Variants in PDS5B observed in about 807,000 individuals in gnomAD.
PDS5B encodes PDS5 cohesin associated factor B.
PDS5B carries 51 observed loss-of-function variants against 184.1 expected under a neutral mutation model. The ratio of observed to expected loss-of-function variants is 0.28; its 90% confidence interval spans 0.22 to 0.35. The LOEUF is 0.35. Among genes scored for constraint, PDS5B ranks in the 10% least tolerant of loss-of-function variants. PDS5B has a pLI of 1.00. For synonymous variants in PDS5B, 566 were observed against 569.2 expected, an observed-to-expected ratio of 0.99 and a Z score of 0.08; for missense variants, 1,180 against 1,723.3, an observed-to-expected ratio of 0.68 and a Z score of 5.58.
At chr13:32,758,862 G>A (rs912762703) in intron 28 of PDS5B, among the ~76,000 whole-genome samples, 1 of 152,158 alleles carries the variant, frequency 6.6e-6, no homozygotes, top group Non-Finnish European at 1.5e-5. Flanking sequence ...TTTTAAGACA[G>A]TCTTAGAGCG....
intron 9 of PDS5B, among the ~76,000 whole-genome samples, chr13:32,676,221 T>TTAAGG (rs1187541203): frequency 2.0e-5 from 3 of 152,214 alleles, no homozygotes; most frequent in Non-Finnish European, 4.4e-5. Flanking sequence ...TATTATTACT[T>TTAAGG]TAAGGCAGTG....
intron 8 of PDS5B, among the ~76,000 whole-genome samples, chr13:32,675,144 T>C (rs1333517969): frequency 2.0e-5 from 3 of 152,150 alleles, no homozygotes; most frequent in Non-Finnish European, 4.4e-5. Flanking sequence ...ACCTTGAATA[T>C]CAGTGCCTTT....
intron 1 of PDS5B, among the ~76,000 whole-genome samples, chr13:32,615,519 C>T (rs918625068): frequency 8.5e-5 from 13 of 152,076 alleles, no homozygotes; most frequent in Non-Finnish European, 1.9e-4. Flanking sequence ...CTACTGGGAT[C>T]GATTGTACTT....
chr13:32,732,836 T>C (rs1164807217), intron 20 of PDS5B, among the ~76,000 whole-genome samples: 1 of 152,162 alleles, frequency 6.6e-6, no homozygotes, highest in Non-Finnish European at 1.5e-5. Context: ...CATAAAATCC[T>C]ACTTTGTAAT....
intron 1 of PDS5B, among the ~76,000 whole-genome samples, chr13:32,597,511 A>G (rs1411973810): frequency 1.3e-5 from 2 of 151,080 alleles, no homozygotes; most frequent in African/African-American, 4.9e-5. Flanking sequence ...TGGGTAACAC[A>G]GAGAGATCCT....
chr13:32,682,080 A>T (rs2140802796), intron 10 of PDS5B, among the ~76,000 whole-genome samples: 1 of 152,342 alleles, frequency 6.6e-6, no homozygotes, highest in African/African-American at 2.4e-5. Context: ...AGCTCTGTGA[A>T]TCCTAATTGA....
chr13:32,602,199 C>T (rs978330489), intron 1 of PDS5B, among the ~76,000 whole-genome samples: 1 of 151,598 alleles, frequency 6.6e-6, no homozygotes, highest in Admixed American at 6.6e-5. Context: ...CCTGTTAACT[C>T]GTCATTTACA....
intron 24 of PDS5B, among the ~76,000 whole-genome samples, chr13:32,749,148 CTCCTT>C (rs1364787545): frequency 6.6e-6 from 1 of 152,186 alleles, no homozygotes; most frequent in Non-Finnish European, 1.5e-5. Context: ...TGAGCACACT[CTCCTT>C]TACTTAACCT....
chr13:32,680,267 A>G (rs1278686786), intron 10 of PDS5B, among the ~76,000 whole-genome samples: 2 of 152,134 alleles, frequency 1.3e-5, no homozygotes, highest in East Asian at 3.9e-4. Flanking sequence ...TCTGCTCATG[A>G]TTAAGAGTGG....
rs187902200 is a variant in PDS5B at position 32,773,217 on chromosome 13, A to G, written c.4201A>G (p.Thr1401Ala). 19 of 1,613,022 alleles carry G rather than the reference A, an allele frequency of 1.2e-5. 1 individual carries two copies. In the South Asian group the frequency reaches 1.9e-4, roughly 16 times the overall value. The change falls in exon 34 of 35, where the codon ACT becomes GCT. Residue 1401 changes from threonine to alanine, a missense_variant. Thr to Ala is a moderately conservative substitution (Grantham distance 58). Around this residue, in one of 11 missense-constraint regions of PDS5B, gnomAD observed 465 missense variants for 497.8 expected, o/e 0.93. Transcript: ENST00000315596. ...TGTAGGACGCTCCAAACAAGCAGCT[A>G]CTAAGGAAAATGATTCAAGTGAAGA... Reference protein sequence around the residue: ...VRVGRSKQAATKENDSSEEVD... With the variant: ...VRVGRSKQAAAKENDSSEEVD...
chr13:32,716,376 GTC>G (rs1172461761), intron 19 of PDS5B, among the ~76,000 whole-genome samples: 1 of 151,678 alleles, frequency 6.6e-6, no homozygotes, highest in African/African-American at 2.4e-5. Context: ...GGTGAGGAGT[GTC>G]TCTGCCCAGC....
chr13:32,761,936 G>A (rs1011869173), intron 30 of PDS5B, among the ~76,000 whole-genome samples: 1 of 152,118 alleles, frequency 6.6e-6, no homozygotes, highest in African/African-American at 2.4e-5. Flanking sequence ...ACATATAAGC[G>A]TTCTGTTTTC....
At chr13:32,722,661 A>G (rs1952758977) in intron 19 of PDS5B, among the ~76,000 whole-genome samples, 1 of 152,230 alleles carries the variant, frequency 6.6e-6, no homozygotes, top group Non-Finnish European at 1.5e-5. Context: ...TGTATTTTAA[A>G]CAAATTAATA....
chr13:32,623,120 C>T (rs903712174), intron 1 of PDS5B, among the ~76,000 whole-genome samples: 1 of 152,132 alleles, frequency 6.6e-6, no homozygotes, highest in African/African-American at 2.4e-5. Context: ...GTGAGGGTTA[C>T]AGGACCAGTT....
rs148714647 is a variant in PDS5B at position 32,733,985 on chromosome 13, AAC to A, written c.2248-1159_2248-1158del. On this transcript the variant is annotated intron_variant, in intron 20 of 34. Transcript: ENST00000315596. ...TCACCCTTCTGATTTCAAAAATTAA[AAC>A]ACACACACACACACACACACACACA... 5.7e-3 allele frequency among the ~76,000 whole-genome samples: 812 copies of A among 142,012 alleles called. 3 individuals are homozygous for A. The highest frequency in any genetic ancestry group is 9.3e-3 in the African/African-American group (330 of 35,444). The allele number at this position is 142,012 out of a possible 152,430, so 93.2% of individuals were successfully genotyped here. A position where few individuals can be genotyped will look rare whatever the true frequency, so the allele number is the denominator to read the frequency against.
intron 1 of PDS5B, among the ~76,000 whole-genome samples, chr13:32,645,508 T>C (rs1281248881): frequency 6.6e-6 from 1 of 152,202 alleles, no homozygotes; most frequent in Non-Finnish European, 1.5e-5. Context: ...ATCATTTTTT[T>C]CTTTCTTGAG....
chr13:32,697,566 C>T (rs1229015383), intron 15 of PDS5B, among the ~76,000 whole-genome samples: 1 of 152,170 alleles, frequency 6.6e-6, no homozygotes, highest in East Asian at 1.9e-4. Context: ...AAACCTAACT[C>T]ACTGGTTTTT....
chr13:32,589,350 C>T (rs1358253045), intron 1 of PDS5B, among the ~76,000 whole-genome samples: 6 of 152,104 alleles, frequency 3.9e-5, no homozygotes, highest in Non-Finnish European at 8.8e-5. Context: ...CCCTCCATCC[C>T]CTTCTCACCT....
Position 32,764,500 on chromosome 13 carries a change from C to G in PDS5B, c.3530C>G (p.Ser1177Cys). The G allele has an allele frequency of 6.3e-7, 1 of 1,591,226 alleles. No individual in the cohort carries two copies. Among genetic ancestry groups the G allele is most frequent in the Non-Finnish European group, 8.6e-7 (1 of 1,167,474 alleles). Residue 1177 changes from serine (S) to cysteine (C), a missense_variant, in exon 31 of 35, where the codon TCT becomes TGT. Around this residue, in one of 11 missense-constraint regions of PDS5B, gnomAD observed 465 missense variants for 497.8 expected, o/e 0.93. Coordinates refer to ENST00000315596, the MANE Select transcript of PDS5B (RefSeq NM_015032.4). ...PGRIKGRLDS[S>C]EMDHSENEDY... ...GTCTGTATTAAAAGGCTTGATAGTT[C>G]TGAAATGGATCACAGTGAAAATGAA...
Sources: allele counts gnomAD v4.1 joint callset (sites outside exome capture counted in the v4.1 genomes callset), GRCh38; gene constraint gnomAD v4.1.1; regional missense constraint gnomAD v4.1.1; transcripts MANE v1.5; gene names NCBI Gene and HGNC (gene_info 2026-07-23, HGNC 2026-07-21).